MPP7: variants seen among roughly 807,000 people sequenced by gnomAD.
MPP7 encodes the protein MAGUK p55 scaffold protein 7, also known as MAGUK p55 subfamily member 7.
In MPP7, 60 loss-of-function variants were observed where a neutral mutation model predicts 76.5. That is an observed-to-expected ratio of 0.78 (90% CI 0.64 to 0.97). MPP7 has a LOEUF of 0.97. Ranked by LOEUF, MPP7 falls within the 50% of genes least tolerant of loss-of-function variation. The pLI is 0.00. For synonymous variants in MPP7, 237 were observed against 244.5 expected (o/e 0.97, Z 0.29); for missense variants, 641 against 694.0 (o/e 0.92, Z 0.86).
intron 12 of MPP7, among the ~76,000 whole-genome samples, chr10:28,075,060 G>A (rs1852423236): frequency 6.6e-6 from 1 of 152,060 alleles, no homozygotes; most frequent in Non-Finnish European, 1.5e-5. Context: ...CATGGGGGAA[G>A]GTGAAGGGGG....
chr10:28,118,449 A>G, intron 11 of MPP7: 1 of 985,100 alleles, frequency 1.0e-6, no homozygotes, highest in South Asian at 4.7e-5. Flanking sequence ...ACATTATCTT[A>G]TCCCACATAT....
At chr10:28,204,160 C>T (rs893204171) in intron 2 of MPP7, among the ~76,000 whole-genome samples, 1 of 152,028 alleles carries the variant, frequency 6.6e-6, no homozygotes, top group Non-Finnish European at 1.5e-5. Flanking sequence ...TCGCATAGCA[C>T]GGCCAGGCAT....
intron 3 of MPP7, among the ~76,000 whole-genome samples, chr10:28,170,289 T>A (rs945521068): frequency 6.6e-6 from 1 of 152,090 alleles, no homozygotes; most frequent in Admixed American, 6.6e-5. Context: ...CTAGAAAGCA[T>A]GTAGTCATTA....
At chr10:28,216,901 C>T (rs898714476) in intron 2 of MPP7, among the ~76,000 whole-genome samples, 6 of 151,902 alleles carry the variant, frequency 3.9e-5, no homozygotes, top group Middle Eastern at 6.8e-3. Flanking sequence ...CTTGGAAAAT[C>T]CTGGTTACAT....
At chr10:28,233,088 A>T (rs1407080306) in intron 2 of MPP7, among the ~76,000 whole-genome samples, 1 of 152,204 alleles carries the variant, frequency 6.6e-6, no homozygotes, top group African/African-American at 2.4e-5. Context: ...TAAAAATAAA[A>T]TCAACTCTCT....
chr10:28,069,718 A>T, intron 13 of MPP7, 54 bp downstream of exon 13: 1 of 1,368,150 alleles, frequency 7.3e-7, no homozygotes, highest in Non-Finnish European at 9.8e-7. Flanking sequence ...TTTTTTAAAA[A>T]TTTAAAATTA....
At chr10:28,246,183 A>G (rs1208416800) in intron 1 of MPP7, among the ~76,000 whole-genome samples, 2 of 152,198 alleles carry the variant, frequency 1.3e-5, no homozygotes, top group African/African-American at 2.4e-5. Flanking sequence ...AAAGTCACAG[A>G]GAGAATCTTG....
intron 5 of MPP7, among the ~76,000 whole-genome samples, chr10:28,141,090 T>C (rs1006732996): frequency 6.6e-6 from 1 of 152,094 alleles, no homozygotes; most frequent in African/African-American, 2.4e-5. Flanking sequence ...AATTTAATGT[T>C]TTATCACATA....
At chr10:28,266,915 T>C (rs928444763) in intron 1 of MPP7, among the ~76,000 whole-genome samples, 3 of 152,224 alleles carry the variant, frequency 2.0e-5, no homozygotes, top group Admixed American at 6.5e-5. Context: ...TTGTTCCAAC[T>C]AATTCTGGTT....
chr10:28,180,177 T>C (rs1221407974), intron 3 of MPP7, among the ~76,000 whole-genome samples: 1 of 152,230 alleles, frequency 6.6e-6, no homozygotes, highest in Non-Finnish European at 1.5e-5. Context: ...TGAAATGTAG[T>C]AATGAAACAG....
At chr10:28,323,728 T>A (rs1479993314) in intron 2 of MPP7, among the ~76,000 whole-genome samples, 1 of 150,970 alleles carries the variant, frequency 6.6e-6, no homozygotes, top group African/African-American at 2.4e-5. Flanking sequence ...AGAGAAAGAG[T>A]CATGAAATGA....
At chr10:28,186,349 A>AG (rs1316736636) in intron 3 of MPP7, among the ~76,000 whole-genome samples, 1 of 150,898 alleles carries the variant, frequency 6.6e-6, no homozygotes, top group Non-Finnish European at 1.5e-5. Context: ...CCATCTCAGA[A>AG]AAAAAAAAAA....
rs1300107295 is a variant in MPP7, at chr10:28,093,021, C to G, written c.953-3180G>C. ...TAGTTATCCCAAACCAACCCCAGCA[C>G]CTACTCTGTCACGGATGTGTGCTGG... On this transcript the variant is annotated intron_variant, in intron 11 of 16. Coordinates refer to ENST00000683449, the MANE Select transcript of MPP7 (RefSeq NM_001318170.2). Among the ~76,000 whole-genome samples, 3 of 152,108 alleles carry G rather than the reference C, an allele frequency of 2.0e-5. No homozygotes were observed. The East Asian group carries it at 5.8e-4, about 29-fold the overall frequency.
intron 4 of MPP7, among the ~76,000 whole-genome samples, chr10:28,147,863 A>G (rs1835760330): frequency 6.6e-6 from 1 of 152,162 alleles, no homozygotes; most frequent in African/African-American, 2.4e-5. Context: ...GGTCTTTTGC[A>G]CCTAGACAAA....
At chr10:28,087,261 T>C (rs899306760) in intron 12 of MPP7, among the ~76,000 whole-genome samples, 2 of 152,188 alleles carry the variant, frequency 1.3e-5, no homozygotes, top group African/African-American at 4.8e-5. Flanking sequence ...CAAAGCAGCA[T>C]GAGGCCCTCG....
At chr10:28,164,850 G>C (rs1564670111) in intron 3 of MPP7, among the ~76,000 whole-genome samples, 1 of 152,030 alleles carries the variant, frequency 6.6e-6, no homozygotes, top group Admixed American at 6.6e-5. Context: ...TTACTTAATG[G>C]GTAAAATGTA....
chr10:28,121,837 G>A (rs1338044764), intron 8 of MPP7, among the ~76,000 whole-genome samples: 2 of 151,030 alleles, frequency 1.3e-5, no homozygotes, highest in Non-Finnish European at 2.9e-5. Flanking sequence ...GCTCTGATGT[G>A]TACTGTCTGT....
At chr10:28,242,623 G>A (rs2132780966) in intron 1 of MPP7, among the ~76,000 whole-genome samples, 1 of 152,288 alleles carries the variant, frequency 6.6e-6, no homozygotes. Flanking sequence ...GGTCCATGAA[G>A]TCAAACTATT....
chr10:28,276,410 G>A (rs1288335281), intron 1 of MPP7, among the ~76,000 whole-genome samples: 1 of 152,014 alleles, frequency 6.6e-6, no homozygotes, highest in Non-Finnish European at 1.5e-5. Context: ...TTTTAGCATT[G>A]GTTAGGCTAC....
Sources: allele counts gnomAD v4.1 joint callset (sites outside exome capture counted in the v4.1 genomes callset), GRCh38; gene constraint gnomAD v4.1.1; transcripts MANE v1.5; gene names NCBI Gene and HGNC (gene_info 2026-07-23, HGNC 2026-07-21).